Variants in LAMA3 observed in about 807,000 individuals in gnomAD.
LAMA3 encodes the protein laminin subunit alpha-3.
Under a neutral mutation model 402.0 loss-of-function variants are expected in LAMA3, and 281 were observed. That is an observed-to-expected ratio of 0.70 (90% confidence interval 0.63 to 0.77). LAMA3 has a LOEUF of 0.77. Among genes scored for constraint, LAMA3 ranks in the 30% least tolerant of loss-of-function variants. The pLI is 0.00. For synonymous variants in LAMA3, 1,431 were observed against 1,558.4 expected, an observed-to-expected ratio of 0.92 and a Z score of 1.93; for missense variants, 3,840 against 4,215.5, an observed-to-expected ratio of 0.91 and a Z score of 2.47.
Position 23,955,040 on chromosome 18 carries a change from A to G in LAMA3, c.*392A>G, listed in dbSNP as rs1363267432. 3.8e-6 allele frequency: 1 copy of G among 259,962 alleles called. No homozygotes were observed. Among genetic ancestry groups the G allele is most frequent in the Non-Finnish European group, 7.5e-6 (1 of 132,890 alleles). The allele number at this position is 259,962 out of a possible 1,614,324, so 16.1% of individuals were successfully genotyped here. A position where few individuals can be genotyped will look rare whatever the true frequency, so the allele number is the denominator to read the frequency against. ...ATGTTAAAGGATTATAATTTATGGA[A>G]TTAAAAAATGCAGTGTAGTCCTTAA... On this transcript the variant is annotated 3_prime_UTR_variant, in exon 75 of 75. Coordinates refer to ENST00000313654, the MANE Select transcript of LAMA3 (RefSeq NM_198129.4).
chr18:23,891,450 T>C (rs1321540980), intron 42 of LAMA3, among the ~76,000 whole-genome samples: 1 of 152,226 alleles, frequency 6.6e-6, no homozygotes, highest in Non-Finnish European at 1.5e-5. Flanking sequence ...TAAAGTTTTT[T>C]CCGGCATCTG....
chr18:23,910,469 C>T (rs1395399791), intron 55 of LAMA3, among the ~76,000 whole-genome samples: 1 of 152,190 alleles, frequency 6.6e-6, no homozygotes, highest in Non-Finnish European at 1.5e-5. Context: ...GGCATTGGCA[C>T]TTCTTTGGGT....
intron 44 of LAMA3, among the ~76,000 whole-genome samples, chr18:23,897,248 A>G (rs1382242689): frequency 6.6e-6 from 1 of 152,194 alleles, no homozygotes; most frequent in African/African-American, 2.4e-5. Context: ...AAGTTTAATA[A>G]GTACTTTTGG....
intron 2 of LAMA3, among the ~76,000 whole-genome samples, chr18:23,735,830 A>C (rs531271358): frequency 1.3e-5 from 2 of 152,196 alleles, no homozygotes; most frequent in South Asian, 4.2e-4. Flanking sequence ...CCTTGGGAGC[A>C]GCCCAGTGCT....
chr18:23,855,038 A>G (rs2064039869), intron 32 of LAMA3, among the ~76,000 whole-genome samples: 1 of 152,188 alleles, frequency 6.6e-6, no homozygotes, highest in African/African-American at 2.4e-5. Flanking sequence ...ACACACACAA[A>G]AAAACCACAG....
chr18:23,814,583 G>A, intron 15 of LAMA3, 81 bp downstream of exon 15: 1 of 894,258 alleles, frequency 1.1e-6, no homozygotes, highest in East Asian at 2.5e-5. Context: ...ATCCACAAAA[G>A]AGCTATTTGT....
At chr18:23,903,537 G>C (rs1201919661) in intron 49 of LAMA3, among the ~76,000 whole-genome samples, 3 of 151,916 alleles carry the variant, frequency 2.0e-5, no homozygotes, top group African/African-American at 7.3e-5. Flanking sequence ...TAAGTTTTAG[G>C]GTACATGTGC....
In LAMA3 at chr18:23,839,164, G is replaced by A. The variant is rs928468106; in HGVS notation, c.3191+286G>A. ...CTATTCTGAGCCCTCGAAAAGACTCGTTTTGTTCCAATCTTTTAATCTTTC... is the reference window on the plus strand; with the variant it reads ...CTATTCTGAGCCCTCGAAAAGACTCATTTTGTTCCAATCTTTTAATCTTTC... On this transcript the variant is annotated intron_variant, in intron 26 of 74. Coordinates refer to ENST00000313654, the MANE Select transcript of LAMA3 (RefSeq NM_198129.4). This position sits in a 1 kb window ranked among gnomAD's most constrained non-coding sequence, Gnocchi z 4.5. 5.3e-5 allele frequency among the ~76,000 whole-genome samples: 8 copies of A among 152,170 alleles called. No homozygotes were observed. The highest frequency in any genetic ancestry group is 2.4e-5 in the African/African-American group (1 of 41,440).
At chr18:23,832,897 ATAAT>A (rs1230717855) in intron 23 of LAMA3, among the ~76,000 whole-genome samples, 2 of 152,260 alleles carry the variant, frequency 1.3e-5, no homozygotes, top group African/African-American at 4.8e-5. Context: ...TCAAATTATA[ATAAT>A]TAATATTTAC....
At chr18:23,730,605 G>C (rs1184637000) in intron 2 of LAMA3, among the ~76,000 whole-genome samples, 1 of 152,052 alleles carries the variant, frequency 6.6e-6, no homozygotes, top group Middle Eastern at 3.2e-3. Context: ...AACCTCAGGT[G>C]ATCCGCCTGC....
intron 8 of LAMA3, among the ~76,000 whole-genome samples, chr18:23,768,259 C>A (rs558176380): frequency 6.6e-6 from 1 of 150,458 alleles, no homozygotes; most frequent in Admixed American, 6.6e-5. Context: ...GTCTAATATT[C>A]GGAATATATG....
At chr18:23,801,029 T>G (rs2062856470) in intron 12 of LAMA3, among the ~76,000 whole-genome samples, 1 of 152,124 alleles carries the variant, frequency 6.6e-6, no homozygotes, top group Non-Finnish European at 1.5e-5. Flanking sequence ...AGACATGGAA[T>G]CAATCTAGAT....
intron 2 of LAMA3, among the ~76,000 whole-genome samples, chr18:23,719,008 C>T (rs2061161989): frequency 6.6e-6 from 1 of 152,166 alleles, no homozygotes; most frequent in Non-Finnish European, 1.5e-5. Context: ...CTCAGAGTGT[C>T]CCTGGTAGGA....
At chr18:23,834,996 T>A (rs991907768) in intron 24 of LAMA3, among the ~76,000 whole-genome samples, 1 of 152,320 alleles carries the variant, frequency 6.6e-6, no homozygotes, top group African/African-American at 2.4e-5. Flanking sequence ...GTAATTGTAT[T>A]TGGAGTTTTA....
chr18:23,853,152 G>A (rs1017768643), intron 32 of LAMA3, among the ~76,000 whole-genome samples: 1 of 152,120 alleles, frequency 6.6e-6, no homozygotes, highest in Non-Finnish European at 1.5e-5. Context: ...AAAGGAATGT[G>A]TATGTAGAAG....
At chr18:23,913,734 T>A (rs1335097792) in intron 56 of LAMA3, among the ~76,000 whole-genome samples, 1 of 152,248 alleles carries the variant, frequency 6.6e-6, no homozygotes, top group Non-Finnish European at 1.5e-5. Flanking sequence ...ATTTGTAGCT[T>A]GTTATGTCAT....
intron 2 of LAMA3, among the ~76,000 whole-genome samples, chr18:23,722,918 GA>G (rs1568114477): frequency 6.6e-6 from 1 of 152,170 alleles, no homozygotes; most frequent in Non-Finnish European, 1.5e-5. Context: ...TCGTCAGAGG[GA>G]TCTTTCTCAT....
intron 23 of LAMA3, among the ~76,000 whole-genome samples, chr18:23,828,114 A>G (rs192660520): frequency 3.3e-5 from 5 of 152,360 alleles, no homozygotes; most frequent in Admixed American, 2.6e-4. Context: ...AAATGAAGAC[A>G]CTGAAAGACT....
intron 59 of LAMA3, among the ~76,000 whole-genome samples, chr18:23,915,793 G>A (rs2081589793): frequency 6.6e-6 from 1 of 151,702 alleles, no homozygotes; most frequent in African/African-American, 2.4e-5. Context: ...ATCACCTGGG[G>A]CCAGGAGTTT....
Sources: allele counts gnomAD v4.1 joint callset (sites outside exome capture counted in the v4.1 genomes callset), GRCh38; gene constraint gnomAD v4.1.1; non-coding constraint Gnocchi (gnomAD v3.1); transcripts MANE v1.5; gene names NCBI Gene and HGNC (gene_info 2026-07-23, HGNC 2026-07-21).